Variants in CCNT2 observed in about 807,000 individuals in gnomAD.
CCNT2 encodes the protein cyclin-T2.
In CCNT2, 18 loss-of-function variants were observed where a neutral mutation model predicts 70.0. That is an observed-to-expected ratio of 0.26 (90% CI 0.18 to 0.38). CCNT2 has a LOEUF of 0.38. CCNT2 is among the 10% of genes least tolerant of loss of function. CCNT2 has a pLI of 1.00. For synonymous variants in CCNT2, 334 were observed against 313.3 expected, an observed-to-expected ratio of 1.07 and a Z score of -0.70; for missense variants, 734 against 890.2, an observed-to-expected ratio of 0.82 and a Z score of 2.23.
At chr2:134,938,477 C>T (rs1290730499) in intron 3 of CCNT2, among the ~76,000 whole-genome samples, 1 of 152,064 alleles carries the variant, frequency 6.6e-6, no homozygotes, top group Non-Finnish European at 1.5e-5. Flanking sequence ...GTATTTATGT[C>T]CCCGTGGGTA....
chr2:134,922,920 TCTTA>T (rs1249128399), intron 2 of CCNT2, among the ~76,000 whole-genome samples: 5 of 152,352 alleles, frequency 3.3e-5, no homozygotes, highest in Admixed American at 2.6e-4. Context: ...TTCCATCTTC[TCTTA>T]CTTCCATTGC....
intron 4 of CCNT2, among the ~76,000 whole-genome samples, chr2:134,941,410 A>G (rs906021372): frequency 1.3e-5 from 2 of 152,164 alleles, no homozygotes; most frequent in Non-Finnish European, 2.9e-5. Context: ...TATACAAAAT[A>G]TGTGTTGATT....
Position 134,956,167 on chromosome 2 carries a change from CTG to C in CCNT2, c.*1521_*1522del, listed in dbSNP as rs1282639192. 6.6e-6 allele frequency: 1 copy of C among 152,522 alleles called. No individual in the cohort carries two copies. The highest frequency in any genetic ancestry group is 1.5e-5 in the Non-Finnish European group (1 of 68,006). The allele number at this position is 152,522 out of a possible 1,614,324, so 9.4% of individuals were successfully genotyped here. ...TTGAACTGAAAACTTAATTTTTTCT[CTG>C]TATTTTTGTTACAAAGCCACTGATA... On this transcript the variant is annotated 3_prime_UTR_variant, in exon 9 of 9. Coordinates refer to ENST00000264157, the MANE Select transcript of CCNT2 (RefSeq NM_058241.3).
intron 2 of CCNT2, among the ~76,000 whole-genome samples, chr2:134,922,135 C>T (rs916485640): frequency 5.3e-5 from 8 of 152,094 alleles, no homozygotes; most frequent in Admixed American, 1.3e-4. Context: ...TATTCCACAC[C>T]AGTGGGAAAT....
rs1371097513 is a variant in CCNT2, at chr2:134,953,609, C to T, written c.1154C>T (p.Pro385Leu). 8.7e-6 allele frequency: 14 copies of T among 1,613,834 alleles called. No individual in the cohort carries two copies. The highest frequency in any genetic ancestry group is 1.3e-5 in the African/African-American group (1 of 74,916). ...SQYNINFQQG[P>L]SISLHSGLHH... ...TACAACATCAACTTCCAGCAGGGAC[C>T]TTCTATATCACTGCATTCAGGATTA... The change falls in exon 9 of 9, where the codon CCT (proline) becomes CTT (leucine). Residue 385 changes from proline to leucine, a missense_variant. Coordinates refer to ENST00000264157, the MANE Select transcript of CCNT2 (RefSeq NM_058241.3).
chr2:134,945,278 C>G (rs45480094), intron 5 of CCNT2: 717 of 985,272 alleles, frequency 7.3e-4, no homozygotes, highest in South Asian at 2.7e-3. Flanking sequence ...TAAACTGATC[C>G]TAGGTGAGCA....
At chr2:134,922,141 G>A (rs538371407) in intron 2 of CCNT2, among the ~76,000 whole-genome samples, 19 of 152,258 alleles carry the variant, frequency 1.2e-4, no homozygotes, top group African/African-American at 4.3e-4. Context: ...ACACCAGTGG[G>A]AAATTTTTTT....
rs1218506806 is a variant in CCNT2 at position 134,954,068 on chromosome 2, C to G, written c.1613C>G (p.Ser538Cys). The G allele has an allele frequency of 6.2e-7, 1 of 1,614,082 alleles. No homozygotes were observed. Among genetic ancestry groups the G allele is most frequent in the Admixed American group, 1.7e-5 (1 of 60,018 alleles). ...KVSSSERHSS[S>C]DEGSGKSKHS... ...TCTTCTTCAGAAAGACACAGCTCTT[C>G]TGATGAAGGCAGTGGGAAGAGCAAA... Residue 538 changes from serine (S) to cysteine (C), a missense_variant, in exon 9 of 9, where the codon TCT becomes TGT. By Grantham distance (112) the Ser-to-Cys change is moderately radical. Transcript: ENST00000264157.
intron 2 of CCNT2, 140 bp from the exon 3 acceptor site, chr2:134,936,701 C>A: frequency 1.7e-6 from 1 of 574,554 alleles, no homozygotes; most frequent in South Asian, 2.1e-5. Flanking sequence ...TTTCAGTGAG[C>A]CGAGATCACA....
rs777604004 is a variant in CCNT2 at position 134,953,992 on chromosome 2, C to T, written c.1537C>T (p.Pro513Ser). The T allele has an allele frequency of 9.3e-6, 15 of 1,613,938 alleles. No individual in the cohort carries two copies. Among genetic ancestry groups the T allele is most frequent in the Admixed American group, 3.3e-5 (2 of 59,992 alleles). ...GSLKLRIPIP[P>S]TDKSASKEEL... ...ACTGAAATTACGGATTCCAATACCA[C>T]CCACTGATAAAAGCGCCAGTAAAGA... The change falls in exon 9 of 9, where the codon CCC becomes TCC. Residue 513 changes from proline (P) to serine (S), a missense_variant. Around this residue, in one of 3 missense-constraint regions of CCNT2, gnomAD observed 532 missense variants for 556.9 expected, o/e 0.96. Transcript: ENST00000264157.
chr2:134,939,838 G>A (rs1681438474), intron 4 of CCNT2, among the ~76,000 whole-genome samples: 1 of 152,132 alleles, frequency 6.6e-6, no homozygotes, highest in South Asian at 2.1e-4. Flanking sequence ...TTATATCTTT[G>A]TATGCAAGTT....
At chr2:134,944,415 G>T (rs1186622895) in intron 5 of CCNT2, 1 of 966,578 alleles carries the variant, frequency 1.0e-6, no homozygotes, top group Non-Finnish European at 1.2e-6. Context: ...GGATTTTCAG[G>T]TTACTGTTGT....
At chr2:134,948,562 G>A (rs1682177413) in intron 7 of CCNT2, among the ~76,000 whole-genome samples, 1 of 152,234 alleles carries the variant, frequency 6.6e-6, no homozygotes, top group Non-Finnish European at 1.5e-5. Flanking sequence ...GAAATTGTGG[G>A]TGTGTGTTCT....
chr2:134,938,360 A>G (rs139393400), intron 3 of CCNT2, among the ~76,000 whole-genome samples: 3 of 152,318 alleles, frequency 2.0e-5, no homozygotes, highest in South Asian at 2.1e-4. Flanking sequence ...ACTTTGGTCA[A>G]TTGTCATGAT....
In CCNT2 at chr2:134,956,044, T is replaced by C. The variant is rs1030516141; in HGVS notation, c.*1396T>C. The C allele has an allele frequency of 2.0e-5, 3 of 152,672 alleles. No homozygotes were observed. The highest frequency in any genetic ancestry group is 7.2e-5 in the African/African-American group (3 of 41,464). 9.5% of individuals were successfully genotyped at this position (152,672 alleles called of 1,614,324 possible). ...GTTTAGATTTTGTCTTAAACACCAGTAATATGGCTCTTGTTTATCAGCTAA... is the reference window on the plus strand; with the variant it reads ...GTTTAGATTTTGTCTTAAACACCAGCAATATGGCTCTTGTTTATCAGCTAA... On this transcript the variant is annotated 3_prime_UTR_variant, in exon 9 of 9. Transcript: ENST00000264157.
intron 2 of CCNT2, among the ~76,000 whole-genome samples, chr2:134,924,908 C>A (rs1680173913): frequency 6.6e-6 from 1 of 152,174 alleles, no homozygotes; most frequent in Non-Finnish European, 1.5e-5. Context: ...TAAGTTGTAG[C>A]TGTTGAAGGA....
At chr2:134,922,440 C>G (rs1380482417) in intron 2 of CCNT2, among the ~76,000 whole-genome samples, 1 of 152,136 alleles carries the variant, frequency 6.6e-6, no homozygotes, top group Non-Finnish European at 1.5e-5. Context: ...AGAATAAAAT[C>G]AGTATCAGCA....
rs776835071 is a variant in CCNT2, at chr2:134,918,962, C to T, written c.108C>T (p.Cys36=). 2 of 1,613,818 alleles carry T rather than the reference C, an allele frequency of 1.2e-6. No individual in the cohort carries two copies. Among genetic ancestry groups the T allele is most frequent in the East Asian group, 2.2e-5 (1 of 44,868 alleles). ...CGVEADKELS[C]RQQAANLIQE... ...TGGAGGCGGATAAAGAGCTCTCGTG[C>T]CGCCAGCAGGCGGCCAACCTCATCC... The change falls in exon 1 of 9, where the codon TGC becomes TGT. Residue 36 remains cysteine, a synonymous_variant. Transcript: ENST00000264157.
chr2:134,945,477 C>A (rs965766286), intron 5 of CCNT2: 55 of 985,260 alleles, frequency 5.6e-5, no homozygotes, highest in Non-Finnish European at 6.5e-5. Context: ...CCTAGAATAC[C>A]TGTATCTTTC....
Sources: gnomAD v4.1 joint callset for allele counts (sites outside exome capture counted in the v4.1 genomes callset) on GRCh38, gnomAD v4.1.1 for gene constraint, gnomAD v4.1.1 regional missense constraint, MANE v1.5 for transcripts, NCBI Gene and HGNC (gene_info 2026-07-23, HGNC 2026-07-21) for gene names.